The following TMEM102 variants were observed in gnomAD, a reference collection of about 807,000 sequenced individuals.
The protein encoded by TMEM102 is transmembrane protein 102.
In TMEM102, 28 loss-of-function variants were observed where a neutral mutation model predicts 26.8. That is an observed-to-expected ratio of 1.05 (90% CI 0.77 to 1.43). TMEM102 has a LOEUF of 1.43. Among genes scored for constraint, TMEM102 ranks in the 40% most tolerant of loss-of-function variants. TMEM102 has a pLI of 0.00. For synonymous variants in TMEM102, 306 were observed against 332.1 expected (o/e 0.92, Z 0.86); for missense variants, 677 against 705.6 (o/e 0.96, Z 0.46).
Position 7,435,904 on chromosome 17 carries a change from G to C in TMEM102, c.33G>C (p.Trp11Cys). ...CCGCAGTCTGGGGGAGTGCCCCCTG[G>C]TGGGGCCCGCCGCCCCCGGCCCCAG... MASAVWGSAP[W>C]WGPPPPAPAR... Residue 11 changes from tryptophan (W) to cysteine (C), a missense_variant, in exon 2 of 3, where the codon TGG becomes TGC. Coordinates refer to ENST00000323206, the MANE Select transcript of TMEM102 (RefSeq NM_178518.3). 1 of 1,610,046 alleles carries C rather than the reference G, an allele frequency of 6.2e-7. No individual in the cohort carries two copies. Among genetic ancestry groups the C allele is most frequent in the Non-Finnish European group, 8.5e-7 (1 of 1,178,744 alleles).
Position 7,435,854 on chromosome 17 carries a change from C to T in TMEM102, c.-18C>T. On this transcript the variant is annotated splice_region_variant and 5_prime_UTR_variant, in exon 2 of 3. Transcript: ENST00000323206. ...ACCTCCCTTCCGTGTTTTCCGCAGC[C>T]CAAAGCGATAGAACCGCATGGCTTC... is the stretch of plus-strand genomic sequence containing the variant. The T allele has an allele frequency of 6.4e-7, 1 of 1,569,730 alleles. No individual in the cohort carries two copies. The highest frequency in any genetic ancestry group is 8.7e-7 in the Non-Finnish European group (1 of 1,155,926).
Position 7,437,447 on chromosome 17 carries a change from G to C in TMEM102, c.1468G>C (p.Glu490Gln), listed in dbSNP as rs906558400. 6.2e-6 allele frequency: 9 copies of C among 1,457,212 alleles called. No homozygotes were observed. Among genetic ancestry groups the C allele is most frequent in the Non-Finnish European group, 8.1e-6 (9 of 1,104,900 alleles). The allele number at this position is 1,457,212 out of a possible 1,614,324, so 90.3% of individuals were successfully genotyped here. A position where few individuals can be genotyped will look rare whatever the true frequency, so the allele number is the denominator to read the frequency against. ...CCGGGCCCTCCGTGCCGCGGTGGAGGAGGCCAAAGTGGCCCGCAAGGGGGG... is the reference window on the plus strand; with the variant it reads ...CCGGGCCCTCCGTGCCGCGGTGGAGCAGGCCAAAGTGGCCCGCAAGGGGGG... The part of the protein sequence containing the change: ...PARALRAAVE[E>Q]AKVARKGGGL... The change falls in exon 3 of 3, where the codon GAG becomes CAG. Residue 490 changes from glutamate to glutamine, a missense_variant. By Grantham distance (29) the Glu-to-Gln change is conservative (BLOSUM62 2). Transcript: ENST00000323206. The surrounding 1 kb of genome is among the most constrained non-coding windows in gnomAD (Gnocchi z 4.2).
rs1452718956 is a variant in TMEM102 at position 7,437,429 on chromosome 17, C to T, written c.1450C>T (p.Leu484Phe). The T allele has an allele frequency of 1.7e-5, 25 of 1,481,548 alleles. No individual in the cohort carries two copies. The highest frequency in any genetic ancestry group is 1.9e-4 in the Middle Eastern group (1 of 5,304). 91.8% of individuals were successfully genotyped at this position (1,481,548 alleles called of 1,614,324 possible). The change falls in exon 3 of 3, where the codon CTC becomes TTC. Residue 484 changes from leucine (L) to phenylalanine (F), a missense_variant. Physicochemically the swap from Leu to Phe is conservative, Grantham distance 22 (BLOSUM62 0). Coordinates refer to ENST00000323206, the MANE Select transcript of TMEM102 (RefSeq NM_178518.3). This position sits in a 1 kb window ranked among gnomAD's most constrained non-coding sequence, Gnocchi z 4.2. ...ARLRGDPARA[L>F]RAAVEEAKVA... Reference sequence around the variant, plus strand: ...GCTCCGCGGGGACCCGGCCCGGGCCCTCCGTGCCGCGGTGGAGGAGGCCAA... The same window carrying T: ...GCTCCGCGGGGACCCGGCCCGGGCCTTCCGTGCCGCGGTGGAGGAGGCCAA...
In TMEM102 at chr17:7,437,244, T is replaced by C. The variant is rs756912954; in HGVS notation, c.1265T>C (p.Leu422Pro). The part of the protein sequence containing the change: ...LYWACERLPA[L>P]YLARPENAGA... ...TGGGCGTGCGAGCGGCTGCCTGCGC[T>C]CTACCTGGCGCGGCCAGAAAATGCG... The change falls in exon 3 of 3, where the codon CTC becomes CCC. Residue 422 changes from leucine (L) to proline (P), a missense_variant. By Grantham distance (98) the Leu-to-Pro change is moderately conservative. Transcript: ENST00000323206. The surrounding 1 kb of genome is among the most constrained non-coding windows in gnomAD (Gnocchi z 4.2). 2.0e-6 allele frequency: 3 copies of C among 1,525,292 alleles called. No individual in the cohort carries two copies. The South Asian group carries it at 3.7e-5, about 19-fold the overall frequency. The allele number at this position is 1,525,292 out of a possible 1,614,324, so 94.5% of individuals were successfully genotyped here. A position where few individuals can be genotyped will look rare whatever the true frequency, so the allele number is the denominator to read the frequency against.
Position 7,437,442 on chromosome 17 carries a change from TGGA to T in TMEM102, c.1469_1471del (p.Glu490del). The T allele has an allele frequency of 6.9e-7, 1 of 1,451,020 alleles. No homozygotes were observed. Among genetic ancestry groups the T allele is most frequent in the Non-Finnish European group, 9.1e-7 (1 of 1,101,214 alleles). The allele number at this position is 1,451,020 out of a possible 1,614,324, so 89.9% of individuals were successfully genotyped here. On this transcript the variant is annotated inframe_deletion, in exon 3 of 3. Coordinates refer to ENST00000323206, the MANE Select transcript of TMEM102 (RefSeq NM_178518.3). The surrounding 1 kb of genome is among the most constrained non-coding windows in gnomAD (Gnocchi z 4.2). ...CCGGCCCGGGCCCTCCGTGCCGCGGTGGAGGAGGCCAAAGTGGCCCGCAAGGGG... is the reference window on the plus strand; with the variant it reads ...CCGGCCCGGGCCCTCCGTGCCGCGGTGGAGGCCAAAGTGGCCCGCAAGGGG...
In TMEM102 at chr17:7,435,866, A is replaced by C; in HGVS notation, c.-6A>C. The stretch of plus-strand genomic sequence containing the variant: ...TGTTTTCCGCAGCCCAAAGCGATAG[A>C]ACCGCATGGCTTCCGCAGTCTGGGG... On this transcript the variant is annotated 5_prime_UTR_variant, in exon 2 of 3. Transcript: ENST00000323206. 1 of 1,589,242 alleles carries C rather than the reference A, an allele frequency of 6.3e-7. No individual in the cohort carries two copies. Among genetic ancestry groups the C allele is most frequent in the Non-Finnish European group, 8.6e-7 (1 of 1,166,958 alleles).
chr17:7,436,955 G>T lies in TMEM102; in HGVS notation c.976G>T (p.Gly326Cys). 1.9e-6 allele frequency: 3 copies of T among 1,603,260 alleles called. 1 individual carries two copies. In the South Asian group the frequency reaches 3.3e-5, roughly 18 times the overall value. ...FDLIPVVSVA[G>C]WPEGARSHSW... ...CCTGATCCCAGTGGTGTCCGTGGCGGGCTGGCCCGAGGGGGCTCGGAGCCA... is the reference window on the plus strand; with the variant it reads ...CCTGATCCCAGTGGTGTCCGTGGCGTGCTGGCCCGAGGGGGCTCGGAGCCA... The change falls in exon 3 of 3, where the codon GGC (glycine) becomes TGC (cysteine). Residue 326 changes from glycine (G) to cysteine (C), a missense_variant. Physicochemically the swap from Gly to Cys is radical, Grantham distance 159. Coordinates refer to ENST00000323206, the MANE Select transcript of TMEM102 (RefSeq NM_178518.3).
Position 7,435,943 on chromosome 17 carries a change from G to A in TMEM102, c.72G>A (p.Thr24=). The A allele has an allele frequency of 6.2e-7, 1 of 1,612,534 alleles. No homozygotes were observed. Among genetic ancestry groups the A allele is most frequent in the Non-Finnish European group, 8.5e-7 (1 of 1,179,768 alleles). The change falls in exon 2 of 3, where the codon ACG becomes ACA. Residue 24 remains threonine (T), a synonymous_variant. Coordinates refer to ENST00000323206, the MANE Select transcript of TMEM102 (RefSeq NM_178518.3). The stretch of plus-strand genomic sequence containing the variant: ...CCCCGGCCCCAGCTCGGCCGCTCAC[G>A]GACATCGACTTCTGCTCCGGGGCGC... The part of the protein sequence containing the change: ...PPPPAPARPL[T]DIDFCSGAQL...
At position 7,436,064 on chromosome 17, in the gene TMEM102, G is replaced by A. The variant is rs745522688; in HGVS notation, c.193G>A (p.Asp65Asn). 3.7e-6 allele frequency: 6 copies of A among 1,613,704 alleles called. No individual in the cohort carries two copies. In the African/African-American group the frequency reaches 6.7e-5, roughly 18 times the overall value. Reference sequence around the variant, plus strand: ...GGGAGCCGATCTCCTCCGGGCCAAGGACTTTGTCTTCTCTTTGCTTGGTAA... The same window carrying A: ...GGGAGCCGATCTCCTCCGGGCCAAGAACTTTGTCTTCTCTTTGCTTGGTAA... ...KPGADLLRAKDFVFSLLGLVH... is the reference protein window; with the variant it reads ...KPGADLLRAKNFVFSLLGLVH... Residue 65 changes from aspartate (D) to asparagine (N), a missense_variant, in exon 2 of 3, where the codon GAC becomes AAC. Physicochemically the swap from Asp to Asn is conservative, Grantham distance 23. Coordinates refer to ENST00000323206, the MANE Select transcript of TMEM102 (RefSeq NM_178518.3).
chr17:7,436,056 G>C lies in TMEM102; in HGVS notation c.185G>C (p.Arg62Pro), dbSNP rs777243648. The change falls in exon 2 of 3, where the codon CGG becomes CCG. Residue 62 changes from arginine (R) to proline (P), a missense_variant. Transcript: ENST00000323206. ...CCCAAGCCGGGAGCCGATCTCCTCC[G>C]GGCCAAGGACTTTGTCTTCTCTTTG... ...DGPKPGADLL[R>P]AKDFVFSLLG... The C allele has an allele frequency of 6.8e-6, 11 of 1,613,738 alleles. No individual in the cohort carries two copies. In the South Asian group the frequency reaches 1.1e-4, roughly 16 times the overall value.
chr17:7,436,413 G>GC lies in TMEM102; in HGVS notation c.436dup (p.Leu146ProfsTer27). 1 of 1,613,894 alleles carries GC rather than the reference G, an allele frequency of 6.2e-7. No individual in the cohort carries two copies. The highest frequency in any genetic ancestry group is 1.1e-5 in the South Asian group (1 of 91,086). ...CTGGAATCCTGTTACGCACAGGTCT[G>GC]CCTCCCAGAGATGGTGTGCGGAACC... On this transcript the variant is annotated frameshift_variant, in exon 3 of 3. Transcript: ENST00000323206. LOFTEE classifies it low-confidence loss of function (END_TRUNC).
Position 7,436,468 on chromosome 17 carries a change from A to T in TMEM102, c.489A>T (p.Leu163Phe). The change falls in exon 3 of 3, where the codon TTA becomes TTT. Residue 163 changes from leucine to phenylalanine, a missense_variant. By Grantham distance (22) the Leu-to-Phe change is conservative. Coordinates refer to ENST00000323206, the MANE Select transcript of TMEM102 (RefSeq NM_178518.3). ...TPIREMWQDC[L>F]GPPVPGARDS... ...TCCGGGAGATGTGGCAGGATTGCTT[A>T]GGACCCCCAGTCCCAGGAGCACGTG... The T allele has an allele frequency of 1.2e-6, 2 of 1,613,718 alleles. No individual in the cohort carries two copies. The highest frequency in any genetic ancestry group is 1.7e-6 in the Non-Finnish European group (2 of 1,180,032).
At position 7,436,325 on chromosome 17, in the gene TMEM102, G is replaced by A; in HGVS notation, c.346G>A (p.Asp116Asn). Residue 116 changes from aspartate (D) to asparagine (N), a missense_variant, in exon 3 of 3, where the codon GAT (aspartate) becomes AAT (asparagine). Asp to Asn is a conservative substitution (Grantham distance 23). Coordinates refer to ENST00000323206, the MANE Select transcript of TMEM102 (RefSeq NM_178518.3). ...LGPYARGPHY[D>N]AGFTLLVPMF... ...TCCCTACGCCCGGGGACCTCACTACGATGCCGGCTTCACACTCCTAGTGCC... is the reference window on the plus strand; with the variant it reads ...TCCCTACGCCCGGGGACCTCACTACAATGCCGGCTTCACACTCCTAGTGCC... 6.2e-7 allele frequency: 1 copy of A among 1,613,780 alleles called. No homozygotes were observed. The highest frequency in any genetic ancestry group is 8.5e-7 in the Non-Finnish European group (1 of 1,180,010).
Position 7,436,427 on chromosome 17 carries a change from G to T in TMEM102, c.448G>T (p.Val150Leu). 1.2e-6 allele frequency: 2 copies of T among 1,613,924 alleles called. No individual in the cohort carries two copies. The highest frequency in any genetic ancestry group is 1.1e-5 in the South Asian group (1 of 91,086). The change falls in exon 3 of 3, where the codon GTG (valine) becomes TTG (leucine). Residue 150 changes from valine to leucine, a missense_variant. Transcript: ENST00000323206. ...CGCACAGGTCTGCCTCCCAGAGATG[G>T]TGTGCGGAACCCCCATCCGGGAGAT... The part of the protein sequence containing the change: ...CYAQVCLPEM[V>L]CGTPIREMWQ...
At position 7,436,908 on chromosome 17, in the gene TMEM102, C is replaced by T. The variant is rs202087288; in HGVS notation, c.929C>T (p.Pro310Leu). Residue 310 changes from proline to leucine, a missense_variant, in exon 3 of 3, where the codon CCT becomes CTT. Coordinates refer to ENST00000323206, the MANE Select transcript of TMEM102 (RefSeq NM_178518.3). ...TTVLLATPEP[P>L]RRLLLFDLIP... The stretch of plus-strand genomic sequence containing the variant: ...GTCCTCCTGGCTACCCCTGAGCCCC[C>T]TCGCCGCCTCCTGCTCTTCGACCTG... 1 of 1,608,574 alleles carries T rather than the reference C, an allele frequency of 6.2e-7. No individual in the cohort carries two copies. Among genetic ancestry groups the T allele is most frequent in the Non-Finnish European group, 8.5e-7 (1 of 1,179,686 alleles).
rs1908116758 is a variant in TMEM102 at position 7,437,677 on chromosome 17, T to C, written c.*171T>C. ...GCCCACCCGCCTGCCCCCGCACAAG[T>C]TGCCCCATTCCAGCCTCGCTATTCT... On this transcript the variant is annotated 3_prime_UTR_variant, in exon 3 of 3. Coordinates refer to ENST00000323206, the MANE Select transcript of TMEM102 (RefSeq NM_178518.3). This position sits in a 1 kb window ranked among gnomAD's most constrained non-coding sequence, Gnocchi z 4.2. 3 of 467,260 alleles carry C rather than the reference T, an allele frequency of 6.4e-6. No homozygotes were observed. 28.9% of individuals were successfully genotyped at this position (467,260 alleles called of 1,614,324 possible). A position where few individuals can be genotyped will look rare whatever the true frequency, so the allele number is the denominator to read the frequency against.
At position 7,436,385 on chromosome 17, in the gene TMEM102, G is replaced by T; in HGVS notation, c.406G>T (p.Asp136Tyr). 6.2e-7 allele frequency: 1 copy of T among 1,613,848 alleles called. No homozygotes were observed. The highest frequency in any genetic ancestry group is 8.5e-7 in the Non-Finnish European group (1 of 1,180,036). Residue 136 changes from aspartate to tyrosine, a missense_variant, in exon 3 of 3, where the codon GAC becomes TAC. Coordinates refer to ENST00000323206, the MANE Select transcript of TMEM102 (RefSeq NM_178518.3). ...ACTGGACGGCACTGAACTGCAACTG[G>T]ACCTGGAATCCTGTTACGCACAGGT... ...FSLDGTELQL[D>Y]LESCYAQVCL... is the part of the protein sequence containing the mutation.
chr17:7,436,711 C>A lies in TMEM102; in HGVS notation c.732C>A (p.Val244=). Residue 244 remains valine (V), a synonymous_variant, in exon 3 of 3, where the codon GTC becomes GTA. Coordinates refer to ENST00000323206, the MANE Select transcript of TMEM102 (RefSeq NM_178518.3). ...GTAGTGACGTCACCAAGGCAGCCGT[C>A]GAAAGCCCAGTCCCAAAGCCGTCGG... is the stretch of plus-strand genomic sequence containing the variant. The part of the protein sequence containing the change: ...TMSSDVTKAA[V]ESPVPKPSEA... 2 of 1,613,802 alleles carry A rather than the reference C, an allele frequency of 1.2e-6. No individual in the cohort carries two copies. Among genetic ancestry groups the A allele is most frequent in the Non-Finnish European group, 1.7e-6 (2 of 1,180,032 alleles).
chr17:7,437,033 G>A lies in TMEM102; in HGVS notation c.1054G>A (p.Gly352Ser), dbSNP rs867215283. ...SESASFYLVP[G>S]GGTERPCASA... is the part of the protein sequence containing the mutation. ...GTCGGCTTCCTTCTACCTGGTGCCC[G>A]GTGGCGGCACCGAGCGGCCGTGCGC... Residue 352 changes from glycine (G) to serine (S), a missense_variant, in exon 3 of 3, where the codon GGT becomes AGT. Transcript: ENST00000323206. The surrounding 1 kb of genome is among the most constrained non-coding windows in gnomAD (Gnocchi z 4.2). 7 of 1,587,088 alleles carry A rather than the reference G, an allele frequency of 4.4e-6. 1 individual carries two copies. The South Asian group carries it at 6.7e-5, about 15-fold the overall frequency.
Sources: allele counts gnomAD v4.1 joint callset, GRCh38; gene constraint gnomAD v4.1.1; non-coding constraint Gnocchi (gnomAD v3.1); transcripts MANE v1.5; gene names NCBI Gene and HGNC (gene_info 2026-07-23, HGNC 2026-07-21).